The following RBFOX1 variants were observed in gnomAD, a reference collection of about 807,000 sequenced individuals.
RBFOX1 encodes RNA binding fox-1 homolog 1.
RBFOX1 carries 8 observed loss-of-function variants against 57.7 expected under a neutral mutation model. That is an observed-to-expected ratio of 0.14 (90% confidence interval 0.08 to 0.25). The LOEUF (loss-of-function observed/expected upper bound fraction) is 0.25. Among genes scored for constraint, RBFOX1 ranks in the 10% least tolerant of loss-of-function variants. The pLI, the probability that RBFOX1 is intolerant of heterozygous loss-of-function variation, is 1.00. For synonymous variants in RBFOX1, 326 were observed against 222.4 expected (o/e 1.47, Z -4.15); for missense variants, 611 against 548.5 (o/e 1.11, Z -1.14).
At chr16:6,594,850 G>A (rs112039178) in intron 2 of RBFOX1, among the ~76,000 whole-genome samples, 86 of 152,256 alleles carry the variant, frequency 5.6e-4, no homozygotes, top group African/African-American at 2.0e-3. Flanking sequence ...GTGCAGTGGC[G>A]TGATCTCAGC....
At chr16:5,392,227 A>G (rs1276758676) in intron 1 of RBFOX1, among the ~76,000 whole-genome samples, 1 of 152,136 alleles carries the variant, frequency 6.6e-6, no homozygotes, top group East Asian at 1.9e-4. Flanking sequence ...ACAAATCACC[A>G]CTAAGGAATT....
At chr16:5,370,196 C>T (rs950595387) in intron 1 of RBFOX1, among the ~76,000 whole-genome samples, 1 of 152,190 alleles carries the variant, frequency 6.6e-6, no homozygotes, top group Admixed American at 6.5e-5. Flanking sequence ...TCTCCTGACA[C>T]CCCACAGGCT....
intron 3 of RBFOX1, among the ~76,000 whole-genome samples, chr16:6,947,365 G>C (rs1001073729): frequency 6.6e-6 from 1 of 152,184 alleles, no homozygotes; most frequent in African/African-American, 2.4e-5. Flanking sequence ...GGGTGCCTGA[G>C]CCTTTTGCAT....
chr16:6,661,686 G>C (rs185882231), intron 3 of RBFOX1, among the ~76,000 whole-genome samples: 2 of 152,328 alleles, frequency 1.3e-5, no homozygotes, highest in Admixed American at 1.3e-4. Flanking sequence ...TGAACACTTT[G>C]ATTCGAGCAA....
At chr16:5,842,014 C>A (rs544029335) in intron 3 of RBFOX1, among the ~76,000 whole-genome samples, 16 of 152,340 alleles carry the variant, frequency 1.1e-4, no homozygotes, top group Admixed American at 3.3e-4. Context: ...ATCCTCCTCT[C>A]CCTGTGCTGA....
chr16:6,784,911 C>T (rs984141089), intron 3 of RBFOX1, among the ~76,000 whole-genome samples: 1 of 152,040 alleles, frequency 6.6e-6, no homozygotes, highest in African/African-American at 2.4e-5. Context: ...ACCAAGCACT[C>T]TTCTAAGTTG....
intron 3 of RBFOX1, among the ~76,000 whole-genome samples, chr16:5,815,156 A>ATTTTTT (rs71142650): frequency 8.8e-4 from 101 of 114,192 alleles, no homozygotes; most frequent in East Asian, 1.3e-3. Context: ...ATTTAATTTA[A>ATTTTTT]TTTTTTTTTT....
Position 6,460,608 on chromosome 16 carries a change from G to A in RBFOX1, c.-64+143551G>A, listed in dbSNP as rs2094895252. Among the ~76,000 whole-genome samples the A allele has an allele frequency of 3.3e-5, 5 of 152,152 alleles. No individual in the cohort carries two copies. The South Asian group carries it at 1.0e-3, about 32-fold the overall frequency. Reference sequence around the variant, plus strand: ...AAGTTAAGAAACAACAGATGCTGGTGAGCTTGTAGATAAATAGGAACACTT... The same window carrying A: ...AAGTTAAGAAACAACAGATGCTGGTAAGCTTGTAGATAAATAGGAACACTT... On this transcript the variant is annotated intron_variant, in intron 2 of 15. Coordinates refer to ENST00000550418, the MANE Select transcript of RBFOX1 (RefSeq NM_018723.4).
intron 4 of RBFOX1, among the ~76,000 whole-genome samples, chr16:7,297,690 G>A (rs1328170291): frequency 1.3e-5 from 2 of 152,052 alleles, no homozygotes; most frequent in Non-Finnish European, 2.9e-5. Flanking sequence ...AATAACAACA[G>A]TTGTAGTAGT....
At chr16:5,605,371 C>T (rs112837555) in intron 3 of RBFOX1, among the ~76,000 whole-genome samples, 5,746 of 152,230 alleles carry the variant, frequency 0.038, 253 homozygotes, top group African/African-American at 0.11. Flanking sequence ...CATTTATAGA[C>T]GGCAGTCAGA....
At chr16:6,274,488 T>C (rs1329885831) in intron 1 of RBFOX1, among the ~76,000 whole-genome samples, 2 of 151,994 alleles carry the variant, frequency 1.3e-5, no homozygotes, top group African/African-American at 4.8e-5. Flanking sequence ...GACAAAATAA[T>C]GGAAATGGAG....
intron 4 of RBFOX1, among the ~76,000 whole-genome samples, chr16:7,498,102 G>A (rs34887763): frequency 0.49 from 74,758 of 152,042 alleles, 23,087 homozygotes; most frequent in Non-Finnish European, 0.7. Context: ...TTCTGTGAAG[G>A]CTGTCTTGGG....
chr16:5,826,040 T>C (rs571424240), intron 3 of RBFOX1, among the ~76,000 whole-genome samples: 1 of 145,760 alleles, frequency 6.9e-6, no homozygotes, highest in African/African-American at 2.6e-5. Context: ...TTCCGTAATA[T>C]GAATAAGGAA....
chr16:6,886,434 T>A (rs987723500), intron 3 of RBFOX1, among the ~76,000 whole-genome samples: 1 of 152,002 alleles, frequency 6.6e-6, no homozygotes, highest in Non-Finnish European at 1.5e-5. Context: ...CGCTATTGAT[T>A]GCAAAGGCAT....
At position 7,070,663 on chromosome 16, in the gene RBFOX1, T is replaced by G. The variant is rs562538551; in HGVS notation, c.27+18565T>G. On this transcript the variant is annotated intron_variant, in intron 4 of 15. Transcript: ENST00000550418. The stretch of plus-strand genomic sequence containing the variant: ...TGTTCTAATGCAGAGCCATCTCCCT[T>G]GGCATGAAGTGATTTGGGAGCACAG... Among the ~76,000 whole-genome samples, 25 of 152,330 alleles carry G rather than the reference T, an allele frequency of 1.6e-4. No individual in the cohort carries two copies. The East Asian group carries it at 4.2e-3, about 26-fold the overall frequency.
chr16:7,206,058 G>C (rs995552946), intron 4 of RBFOX1, among the ~76,000 whole-genome samples: 1 of 152,186 alleles, frequency 6.6e-6, no homozygotes, highest in African/African-American at 2.4e-5. Flanking sequence ...GTTTTACTTA[G>C]ACTGACACTA....
intron 3 of RBFOX1, among the ~76,000 whole-genome samples, chr16:5,854,015 G>A (rs560754509): frequency 2.4e-4 from 36 of 152,274 alleles, no homozygotes; most frequent in South Asian, 4.1e-4. Flanking sequence ...TATCAGCTAA[G>A]TTTCTATTTT....
chr16:6,293,677 G>C (rs987127256), intron 1 of RBFOX1, among the ~76,000 whole-genome samples: 1 of 152,132 alleles, frequency 6.6e-6, no homozygotes, highest in Non-Finnish European at 1.5e-5. Context: ...AGGGAAGAGG[G>C]GCTAGTTCAG....
chr16:6,034,158 A>T lies in RBFOX1; in HGVS notation c.-127+14166A>T, dbSNP rs8046439. ...AAGACCTGCCTGGCCAACTTAGTGA[A>T]ACCATGTCTCTACTAAAAATACAAA... On this transcript the variant is annotated intron_variant, in intron 1 of 15. Coordinates refer to ENST00000550418, the MANE Select transcript of RBFOX1 (RefSeq NM_018723.4). Among the ~76,000 whole-genome samples, 349 of 151,842 alleles carry T rather than the reference A, an allele frequency of 2.3e-3. 2 individuals carry two copies. Among genetic ancestry groups the T allele is most frequent in the African/African-American group, 8.0e-3 (333 of 41,396 alleles).
Sources: gnomAD v4.1 joint callset for allele counts (sites outside exome capture counted in the v4.1 genomes callset) on GRCh38, gnomAD v4.1.1 for gene constraint, MANE v1.5 for transcripts, NCBI Gene and HGNC (gene_info 2026-07-23, HGNC 2026-07-21) for gene names.